Variants in CNOT6 observed in about 807,000 individuals in gnomAD.
CNOT6 encodes the protein CCR4-NOT transcription complex subunit 6.
A neutral mutation model predicts 61.2 loss-of-function variants in CNOT6; 12 were observed. That is an observed-to-expected ratio of 0.20 (90% confidence interval 0.13 to 0.32). CNOT6 has a LOEUF of 0.32. CNOT6 is among the 10% of genes least tolerant of loss of function. The pLI is 1.00. For synonymous variants in CNOT6, 225 were observed against 240.6 expected (o/e 0.94, Z 0.60); for missense variants, 405 against 663.9 (o/e 0.61, Z 4.28).
chr5:180,499,868 G>GGTTGTAACA (rs1756786274), intron 1 of CNOT6, among the ~76,000 whole-genome samples: 1 of 152,184 alleles, frequency 6.6e-6, no homozygotes, highest in South Asian at 2.1e-4. Flanking sequence ...AACACGAGAA[G>GGTTGTAACA]CAAATAGGTG....
At chr5:180,551,241 C>T (rs1323242828) in intron 3 of CNOT6, among the ~76,000 whole-genome samples, 1 of 151,932 alleles carries the variant, frequency 6.6e-6, no homozygotes, top group African/African-American at 2.4e-5. Context: ...CCTGTAGTCC[C>T]TGCTACTTGG....
At chr5:180,497,958 G>T (rs777702184) in intron 1 of CNOT6, among the ~76,000 whole-genome samples, 7 of 151,460 alleles carry the variant, frequency 4.6e-5, no homozygotes, top group South Asian at 2.1e-4. Flanking sequence ...CAGGAGAATC[G>T]CTTGAACCTG....
At chr5:180,524,622 C>T (rs528014537) in intron 1 of CNOT6, among the ~76,000 whole-genome samples, 2 of 152,224 alleles carry the variant, frequency 1.3e-5, no homozygotes, top group South Asian at 4.1e-4. Context: ...GAAATCAAGA[C>T]TGTTTGATAG....
At chr5:180,572,614 A>G (rs1335250679) in intron 11 of CNOT6, among the ~76,000 whole-genome samples, 2 of 152,096 alleles carry the variant, frequency 1.3e-5, no homozygotes, top group African/African-American at 2.4e-5. Context: ...CAGTGATGTG[A>G]TGATAACACA....
At chr5:180,566,141 G>A (rs1322479204) in intron 7 of CNOT6, among the ~76,000 whole-genome samples, 164 bp downstream of exon 7, 1 of 152,210 alleles carries the variant, frequency 6.6e-6, no homozygotes, top group African/African-American at 2.4e-5. Context: ...GCTTTGCAGT[G>A]CTATGTTGCA....
intron 1 of CNOT6, among the ~76,000 whole-genome samples, chr5:180,527,246 T>C (rs768078838): frequency 6.6e-6 from 1 of 152,210 alleles, no homozygotes; most frequent in Non-Finnish European, 1.5e-5. Flanking sequence ...TTTGTTTAAG[T>C]TGGAATTAAA....
Position 180,523,682 on chromosome 5 carries a change from T to C in CNOT6, c.-2-5593T>C, listed in dbSNP as rs535834776. Among the ~76,000 whole-genome samples the C allele has an allele frequency of 3.3e-5, 5 of 152,320 alleles. No homozygotes were observed. In the East Asian group the frequency reaches 9.7e-4, roughly 29 times the overall value. ...CTTTTCACTTTACTTCATATTCTGC[T>C]AAGTCTCTTATAACCCCTCACTGTG... On this transcript the variant is annotated intron_variant, in intron 1 of 11. Transcript: ENST00000261951.
chr5:180,518,406 G>A (rs1202302371), intron 1 of CNOT6, among the ~76,000 whole-genome samples: 3 of 151,958 alleles, frequency 2.0e-5, no homozygotes, highest in Non-Finnish European at 4.4e-5. Context: ...CCATTATTCC[G>A]GAGATAATAT....
At chr5:180,551,311 C>G (rs1161745525) in intron 3 of CNOT6, among the ~76,000 whole-genome samples, 2 of 152,108 alleles carry the variant, frequency 1.3e-5, no homozygotes, top group Admixed American at 1.3e-4. Context: ...GAGCAGAGAT[C>G]ATGCCACTGC....
intron 2 of CNOT6, among the ~76,000 whole-genome samples, chr5:180,546,929 G>A (rs1327430932): frequency 6.6e-6 from 1 of 152,118 alleles, no homozygotes; most frequent in African/African-American, 2.4e-5. Context: ...CTTGGGGTTG[G>A]AACCCAAGTC....
intron 1 of CNOT6, among the ~76,000 whole-genome samples, chr5:180,515,279 A>C (rs35955280): frequency 6.6e-6 from 1 of 152,018 alleles, no homozygotes; most frequent in African/African-American, 2.4e-5. Flanking sequence ...AAAGAAAAAA[A>C]CAGAAAATAT....
intron 3 of CNOT6, 125 bp downstream of exon 3, chr5:180,550,242 G>C (rs1483711627): frequency 3.1e-6 from 2 of 654,654 alleles, no homozygotes; most frequent in Non-Finnish European, 5.1e-6. Context: ...ATGAGGTCAG[G>C]AGATCGAGAC....
In CNOT6 at chr5:180,553,447, C is replaced by T; in HGVS notation, c.361C>T (p.Gln121Ter). 1 of 1,613,640 alleles carries T rather than the reference C, an allele frequency of 6.2e-7. No homozygotes were observed. Among genetic ancestry groups the T allele is most frequent in the Non-Finnish European group, 8.5e-7 (1 of 1,179,644 alleles). Residue 121 changes from glutamine to a stop codon, truncating the protein, a stop_gained, in exon 4 of 12, where the codon CAG becomes TAG. Coordinates refer to ENST00000261951, the MANE Select transcript of CNOT6 (RefSeq NM_001370472.1). LOFTEE classifies it high-confidence loss of function. ...VLPFELGKLF[Q>*]LQTLGLKGNP... ...ACCTTTTGAGCTGGGAAAACTGTTT[C>T]AGTTGCAGACTTTAGGCCTGAAAGG...
intron 2 of CNOT6, among the ~76,000 whole-genome samples, chr5:180,538,715 T>TAC (rs973744578): frequency 1.4e-5 from 2 of 138,358 alleles, no homozygotes; most frequent in African/African-American, 5.5e-5. Flanking sequence ...TATATATATA[T>TAC]ACAAAAAAAT....
intron 1 of CNOT6, among the ~76,000 whole-genome samples, chr5:180,514,180 T>C (rs529010475): frequency 6.6e-6 from 1 of 151,140 alleles, no homozygotes; most frequent in South Asian, 2.2e-4. Flanking sequence ...TCCCAGCACT[T>C]TGGGAGGCCG....
intron 1 of CNOT6, among the ~76,000 whole-genome samples, chr5:180,499,385 C>T (rs1287932942): frequency 6.6e-6 from 1 of 152,152 alleles, no homozygotes; most frequent in Non-Finnish European, 1.5e-5. Flanking sequence ...TAAAAAGTTA[C>T]CAGTATCCTG....
At chr5:180,564,010 A>G (rs1760324884) in intron 4 of CNOT6, among the ~76,000 whole-genome samples, 1 of 152,180 alleles carries the variant, frequency 6.6e-6, no homozygotes, top group African/African-American at 2.4e-5. Flanking sequence ...TATGACTTTA[A>G]AAAATCTAAG....
At chr5:180,522,527 G>C (rs572902855) in intron 1 of CNOT6, among the ~76,000 whole-genome samples, 2 of 152,216 alleles carry the variant, frequency 1.3e-5, no homozygotes, top group South Asian at 2.1e-4. Flanking sequence ...AGCCTCGCCA[G>C]CATCTGTTAG....
intron 1 of CNOT6, among the ~76,000 whole-genome samples, chr5:180,500,317 G>A (rs1212420713): frequency 6.6e-6 from 1 of 151,956 alleles, no homozygotes. Flanking sequence ...TCTCTACGTT[G>A]CCCGGTTTGG....
Sources: allele counts gnomAD v4.1 joint callset (sites outside exome capture counted in the v4.1 genomes callset), GRCh38; gene constraint gnomAD v4.1.1; transcripts MANE v1.5; gene names NCBI Gene and HGNC (gene_info 2026-07-23, HGNC 2026-07-21).